Variants in TCF7L2 observed in about 807,000 individuals in gnomAD.
TCF7L2 encodes transcription factor 7 like 2.
A neutral mutation model predicts 77.9 loss-of-function variants in TCF7L2; 23 were observed. The ratio of observed to expected loss-of-function variants is 0.30; its 90% confidence interval spans 0.21 to 0.42. The LOEUF (loss-of-function observed/expected upper bound fraction) is 0.42. Among genes scored for constraint, TCF7L2 ranks in the 10% least tolerant of loss-of-function variants. The pLI is 1.00. For missense variants in TCF7L2, 654 were observed against 793.1 expected (o/e 0.82, Z 2.11); for synonymous variants, 413 against 340.2 (o/e 1.21, Z -2.36).
intron 5 of TCF7L2, chr10:113,089,361 C>G: frequency 6.3e-7 from 1 of 1,597,880 alleles, no homozygotes; most frequent in Non-Finnish European, 8.5e-7. Context: ...CCCCCTCGCT[C>G]CCGAGCCTTA....
chr10:113,148,038 T>C (rs1417433049), intron 8 of TCF7L2, among the ~76,000 whole-genome samples: 3 of 152,232 alleles, frequency 2.0e-5, no homozygotes, highest in African/African-American at 7.2e-5. Context: ...ATTATACTTA[T>C]GGCAGTTATA....
chr10:113,162,376 A>G (rs997244595), intron 13 of TCF7L2, among the ~76,000 whole-genome samples: 1 of 151,502 alleles, frequency 6.6e-6, no homozygotes, highest in African/African-American at 2.4e-5. Flanking sequence ...TGCAAGTCAG[A>G]CTTTTTTTTT....
chr10:113,014,597 C>T (rs1319203989), intron 4 of TCF7L2, among the ~76,000 whole-genome samples: 1 of 151,920 alleles, frequency 6.6e-6, no homozygotes, highest in Admixed American at 6.6e-5. Context: ...AGTTCAAGAC[C>T]AACATGGCGA....
At position 112,950,403 on chromosome 10, in the gene TCF7L2, T is replaced by TCC. The variant is rs113102683; in HGVS notation, c.-346_-345dup. On this transcript the variant is annotated 5_prime_UTR_variant, in exon 1 of 14. Transcript: ENST00000627217. The stretch of plus-strand genomic sequence containing the variant: ...ACGAGCACCTCCTGTATCTTCGGCT[T>TCC]CCCCCCCCCTTTGCTCTTTATATCT... 1 of 194,904 alleles carries TCC rather than the reference T, an allele frequency of 5.1e-6. No individual in the cohort carries two copies. Among genetic ancestry groups the TCC allele is most frequent in the Non-Finnish European group, 1.0e-5 (1 of 97,026 alleles). The allele number at this position is 194,904 out of a possible 1,614,324, so 12.1% of individuals were successfully genotyped here.
intron 5 of TCF7L2, among the ~76,000 whole-genome samples, chr10:113,059,599 G>A (rs1418528668): frequency 6.6e-6 from 1 of 152,056 alleles, no homozygotes; most frequent in Non-Finnish European, 1.5e-5. Flanking sequence ...AGGCTTTAAC[G>A]TGCCTAGTGG....
chr10:112,996,982 G>A (rs1046003522), intron 4 of TCF7L2, among the ~76,000 whole-genome samples: 1 of 152,228 alleles, frequency 6.6e-6, no homozygotes, highest in Non-Finnish European at 1.5e-5. Context: ...TGATGTTGGT[G>A]TGGTGAGGAG....
Position 113,146,239 on chromosome 10 carries a change from C to G in TCF7L2, c.875+142C>G, listed in dbSNP as rs1010866637. On this transcript the variant is annotated intron_variant, in intron 8 of 13. Coordinates refer to ENST00000627217, the MANE Select transcript of TCF7L2 (RefSeq NM_001146274.2). ...AGCCAATGTGGCATTAGGCTGTACT[C>G]CCAGAAAATCCTGAAAAATTGCCCT... The G allele has an allele frequency of 1.8e-5, 13 of 709,156 alleles. No individual in the cohort carries two copies. The African/African-American group carries it at 2.0e-4, about 11-fold the overall frequency. 43.9% of individuals were successfully genotyped at this position (709,156 alleles called of 1,614,324 possible). A position where few individuals can be genotyped will look rare whatever the true frequency, so the allele number is the denominator to read the frequency against.
At chr10:113,084,661 G>A (rs1462935367) in intron 5 of TCF7L2, among the ~76,000 whole-genome samples, 1 of 152,078 alleles carries the variant, frequency 6.6e-6, no homozygotes, top group Non-Finnish European at 1.5e-5. Context: ...TTGGGAGGCC[G>A]AGGTGGGCGG....
intron 4 of TCF7L2, among the ~76,000 whole-genome samples, chr10:112,974,939 A>T (rs1173170657): frequency 6.6e-6 from 1 of 150,978 alleles, no homozygotes; most frequent in Non-Finnish European, 1.5e-5. Context: ...ATGGTATCAA[A>T]TCCTGATCAA....
chr10:113,117,372 T>C (rs1243726312), intron 5 of TCF7L2, among the ~76,000 whole-genome samples: 1 of 6,744 alleles, frequency 1.5e-4, no homozygotes, highest in African/African-American at 5.4e-4. Flanking sequence ...ATTTTCTCTC[T>C]CTCTCTCTCT....
At chr10:113,138,847 A>C (rs989839393) in intron 5 of TCF7L2, among the ~76,000 whole-genome samples, 34 of 152,108 alleles carry the variant, frequency 2.2e-4, no homozygotes, top group Admixed American at 2.2e-3. Context: ...GCCCAGACCC[A>C]CTGTGAATGA....
intron 4 of TCF7L2, among the ~76,000 whole-genome samples, chr10:113,007,983 G>A (rs2133522714): frequency 6.6e-6 from 1 of 152,316 alleles, no homozygotes; most frequent in Admixed American, 6.5e-5. Flanking sequence ...CTTGGGGCTT[G>A]GGGAAGCGTG....
intron 5 of TCF7L2, among the ~76,000 whole-genome samples, chr10:113,087,787 C>G (rs1428735073): frequency 6.6e-6 from 1 of 152,188 alleles, no homozygotes; most frequent in African/African-American, 2.4e-5. Context: ...TATGGGGCAG[C>G]AATGGCCCCC....
At chr10:112,965,183 C>A (rs1294767680) in intron 4 of TCF7L2, among the ~76,000 whole-genome samples, 1 of 152,166 alleles carries the variant, frequency 6.6e-6, no homozygotes, top group African/African-American at 2.4e-5. Context: ...TTGGACCTGT[C>A]TATGTATGAC....
chr10:112,952,639 C>T (rs2032134491), intron 3 of TCF7L2, among the ~76,000 whole-genome samples: 1 of 152,130 alleles, frequency 6.6e-6, no homozygotes, highest in African/African-American at 2.4e-5. Flanking sequence ...GGTGTGCGGG[C>T]TCAAGGAGGT....
intron 4 of TCF7L2, among the ~76,000 whole-genome samples, chr10:112,978,392 C>G (rs1444386475): frequency 6.6e-6 from 1 of 151,928 alleles, no homozygotes; most frequent in Non-Finnish European, 1.5e-5. Flanking sequence ...ACCTCAAACT[C>G]ATTAGGATGT....
intron 5 of TCF7L2, among the ~76,000 whole-genome samples, chr10:113,064,355 C>T (rs557297758): frequency 1.3e-5 from 2 of 152,304 alleles, no homozygotes; most frequent in South Asian, 4.2e-4. Context: ...GTAGTAGGCT[C>T]ACATCTGCTT....
chr10:113,085,175 T>C (rs2059707251), intron 5 of TCF7L2, among the ~76,000 whole-genome samples: 1 of 151,638 alleles, frequency 6.6e-6, no homozygotes, highest in South Asian at 2.1e-4. Context: ...TAACCAAACC[T>C]TTCACCTTGG....
intron 5 of TCF7L2, among the ~76,000 whole-genome samples, chr10:113,090,043 T>G (rs2060212705): frequency 6.6e-6 from 1 of 152,238 alleles, no homozygotes; most frequent in South Asian, 2.1e-4. Flanking sequence ...CAGCCGTGAA[T>G]GGCTTTACTC....
Sources: gnomAD v4.1 joint callset for allele counts (sites outside exome capture counted in the v4.1 genomes callset) on GRCh38, gnomAD v4.1.1 for gene constraint, MANE v1.5 for transcripts, NCBI Gene and HGNC (gene_info 2026-07-23, HGNC 2026-07-21) for gene names.